The following KIAA1328 variants were observed in gnomAD, a reference collection of about 807,000 sequenced individuals.
The protein encoded by KIAA1328 is protein hinderin.
In KIAA1328, 52 loss-of-function variants were observed where a neutral mutation model predicts 68.1. The observed-to-expected ratio is 0.76, with a 90% CI of 0.61 to 0.96. KIAA1328 has a LOEUF of 0.96. Among genes scored for constraint, KIAA1328 ranks in the 40% least tolerant of loss-of-function variants. The probability of loss-of-function intolerance (pLI) is 0.00; values close to 1 mark genes in which losing one functional copy is unlikely to be tolerated. For synonymous variants in KIAA1328, 232 were observed against 239.4 expected (o/e 0.97, Z 0.28); for missense variants, 641 against 677.6 (o/e 0.95, Z 0.60).
intron 7 of KIAA1328, among the ~76,000 whole-genome samples, chr18:37,113,303 G>T (rs577075401): frequency 6.6e-6 from 1 of 152,116 alleles, no homozygotes; most frequent in Non-Finnish European, 1.5e-5. Context: ...GACTACCAGC[G>T]GATCTCTGGG....
chr18:37,178,486 A>T (rs192759149), intron 9 of KIAA1328, among the ~76,000 whole-genome samples: 3 of 152,276 alleles, frequency 2.0e-5, no homozygotes, highest in East Asian at 3.9e-4. Flanking sequence ...CCATTCATCC[A>T]TTTATGGACA....
chr18:37,084,304 T>C (rs2057034468), intron 7 of KIAA1328: 2 of 779,122 alleles, frequency 2.6e-6, no homozygotes, highest in Middle Eastern at 4.8e-4. Flanking sequence ...GGTATACTTT[T>C]ATAGCTCTAT....
chr18:37,071,447 A>G (rs2056531065), intron 7 of KIAA1328, among the ~76,000 whole-genome samples: 1 of 152,164 alleles, frequency 6.6e-6, no homozygotes, highest in Non-Finnish European at 1.5e-5. Flanking sequence ...GAGTCAACCA[A>G]CTGTGGATTG....
chr18:37,021,908 C>T (rs897755121), intron 6 of KIAA1328, among the ~76,000 whole-genome samples: 7 of 151,940 alleles, frequency 4.6e-5, no homozygotes, highest in Non-Finnish European at 7.4e-5. Flanking sequence ...GACATGGTGG[C>T]GGGTGACTGT....
intron 6 of KIAA1328, among the ~76,000 whole-genome samples, chr18:36,970,112 A>G (rs756061491): frequency 8.5e-5 from 13 of 152,216 alleles, no homozygotes; most frequent in Non-Finnish European, 1.3e-4. Context: ...GTCCATCACA[A>G]TCAAGTTGGC....
At chr18:36,992,123 G>T (rs2053202557) in intron 6 of KIAA1328, among the ~76,000 whole-genome samples, 1 of 152,156 alleles carries the variant, frequency 6.6e-6, no homozygotes, top group African/African-American at 2.4e-5. Flanking sequence ...TCTTTTCATA[G>T]TGATTTGTAA....
rs376698627 is a variant in KIAA1328 at position 37,153,856 on chromosome 18, TTA to T, written c.1233-6343_1233-6342del. 3.0e-3 allele frequency among the ~76,000 whole-genome samples: 442 copies of T among 146,276 alleles called. 3 individuals carry two copies. Among genetic ancestry groups the T allele is most frequent in the African/African-American group, 9.7e-3 (376 of 38,962 alleles). Reference sequence around the variant, plus strand: ...AAATCAAGGACTTGTTCTTTTTCTTTTAAAAAAAAAAAAAAAAAAAGACTCAT... The same window carrying T: ...AAATCAAGGACTTGTTCTTTTTCTTTAAAAAAAAAAAAAAAAAAGACTCAT... On this transcript the variant is annotated intron_variant, in intron 7 of 9. Coordinates refer to ENST00000280020, the MANE Select transcript of KIAA1328 (RefSeq NM_020776.3).
chr18:37,225,064 G>A lies in KIAA1328; in HGVS notation c.*2837G>A. 3.0e-6 allele frequency: 3 copies of A among 985,402 alleles called. No individual in the cohort carries two copies. The highest frequency in any genetic ancestry group is 3.6e-6 in the Non-Finnish European group (3 of 829,932). The allele number at this position is 985,402 out of a possible 1,614,324, so 61.0% of individuals were successfully genotyped here. ...ACCCCAAATGTCATGGGGAGAGAGGGACTCTTTCTGCTCCCTCAGAGCTAC... is the reference window on the plus strand; with the variant it reads ...ACCCCAAATGTCATGGGGAGAGAGGAACTCTTTCTGCTCCCTCAGAGCTAC... On this transcript the variant is annotated 3_prime_UTR_variant, in exon 10 of 10. Coordinates refer to ENST00000280020, the MANE Select transcript of KIAA1328 (RefSeq NM_020776.3).
At chr18:37,004,432 A>G (rs2053701539) in intron 6 of KIAA1328, among the ~76,000 whole-genome samples, 1 of 152,116 alleles carries the variant, frequency 6.6e-6, no homozygotes, top group African/African-American at 2.4e-5. Context: ...CAATCTCATC[A>G]TAAAGTGGGC....
chr18:36,850,048 GTTTTTCT>G (rs1228021141), intron 4 of KIAA1328, among the ~76,000 whole-genome samples: 2 of 151,866 alleles, frequency 1.3e-5, no homozygotes, highest in African/African-American at 4.8e-5. Flanking sequence ...AAATTGGGGT[GTTTTTCT>G]TTTTTGTTAT....
intron 4 of KIAA1328, among the ~76,000 whole-genome samples, chr18:36,856,787 T>A (rs78266396): frequency 2.9e-3 from 440 of 152,292 alleles, no homozygotes; most frequent in African/African-American, 0.01. Context: ...TATAATATGG[T>A]AATTGTGGAA....
At chr18:37,220,889 C>G (rs183313975) in intron 9 of KIAA1328, among the ~76,000 whole-genome samples, 1 of 152,202 alleles carries the variant, frequency 6.6e-6, no homozygotes, top group Non-Finnish European at 1.5e-5. Context: ...TGCAGTGGCA[C>G]GATCTCAGCT....
At chr18:36,990,165 G>A (rs2053117011) in intron 6 of KIAA1328, among the ~76,000 whole-genome samples, 1 of 152,028 alleles carries the variant, frequency 6.6e-6, no homozygotes, top group African/African-American at 2.4e-5. Context: ...TTTCTATACA[G>A]TGTCCAGTTC....
At chr18:36,989,504 A>T (rs927088413) in intron 6 of KIAA1328, among the ~76,000 whole-genome samples, 8 of 152,126 alleles carry the variant, frequency 5.3e-5, no homozygotes, top group South Asian at 2.1e-4. Flanking sequence ...CTAATTTTTT[A>T]AAAAAATTCT....
chr18:37,105,039 C>T (rs762873644), intron 7 of KIAA1328, among the ~76,000 whole-genome samples: 9 of 152,174 alleles, frequency 5.9e-5, no homozygotes, highest in Admixed American at 5.9e-4. Flanking sequence ...CACAACTAAC[C>T]TTTTCGCCTA....
chr18:37,119,863 G>A (rs1246057974), intron 7 of KIAA1328, among the ~76,000 whole-genome samples: 7 of 152,176 alleles, frequency 4.6e-5, no homozygotes, highest in South Asian at 4.2e-4. Flanking sequence ...CAGTGAGTTC[G>A]CCTAGCACCC....
At chr18:36,888,860 A>C (rs767679239) in intron 5 of KIAA1328, among the ~76,000 whole-genome samples, 1 of 152,192 alleles carries the variant, frequency 6.6e-6, no homozygotes, top group Non-Finnish European at 1.5e-5. Context: ...TTACATATAC[A>C]TGAAATCAGA....
chr18:37,096,617 G>A (rs376830957), intron 7 of KIAA1328, among the ~76,000 whole-genome samples: 1 of 152,160 alleles, frequency 6.6e-6, no homozygotes, highest in Admixed American at 6.5e-5. Flanking sequence ...TGGGTCAAAT[G>A]GTATTTCTAG....
chr18:37,147,934 A>G (rs377323726), intron 7 of KIAA1328, among the ~76,000 whole-genome samples: 1 of 152,054 alleles, frequency 6.6e-6, no homozygotes, highest in Non-Finnish European at 1.5e-5. Context: ...AGTGTAGCCT[A>G]TTGCTCCTAG....
Sources: gnomAD v4.1 joint callset for allele counts (sites outside exome capture counted in the v4.1 genomes callset) on GRCh38, gnomAD v4.1.1 for gene constraint, MANE v1.5 for transcripts, NCBI Gene and HGNC (gene_info 2026-07-23, HGNC 2026-07-21) for gene names.